Variants in MROH6 observed in about 807,000 individuals in gnomAD.
MROH6 encodes maestro heat like repeat family member 6.
MROH6 carries 62 observed loss-of-function variants against 67.7 expected under a neutral mutation model. The observed-to-expected ratio is 0.92, with a 90% CI of 0.75 to 1.13. The LOEUF is 1.13. Ranked by LOEUF, MROH6 falls within the 50% of genes most tolerant of loss-of-function variation. The pLI is 0.00. For missense variants in MROH6, 1,175 were observed against 1,029.1 expected (o/e 1.14, Z -1.94); for synonymous variants, 566 against 470.8 (o/e 1.20, Z -2.62).
rs1823674357 is a variant in MROH6, at chr8:143,567,374, C to CCGGG, written c.2021_2024dup (p.Gly676ProfsTer65). ...GAAGGCGGGGCCCGCGGGGGCAGCC[C>CCGGG]CGGGCACGGGCCAGCATCGCCACCT... On this transcript the variant is annotated frameshift_variant, in exon 14 of 14. Transcript: ENST00000398882. LOFTEE classifies it low-confidence loss of function (END_TRUNC). 1 of 1,235,190 alleles carries CCGGG rather than the reference C, an allele frequency of 8.1e-7. No individual in the cohort carries two copies. The highest frequency in any genetic ancestry group is 1.0e-6 in the Non-Finnish European group (1 of 989,106). 76.5% of individuals were successfully genotyped at this position (1,235,190 alleles called of 1,614,324 possible). A position where few individuals can be genotyped will look rare whatever the true frequency, so the allele number is the denominator to read the frequency against.
At position 143,567,805 on chromosome 8, in the gene MROH6, C is replaced by T. The variant is rs544799397; in HGVS notation, c.1848G>A (p.Arg616=). 2.8e-5 allele frequency: 43 copies of T among 1,536,092 alleles called. No homozygotes were observed. Among genetic ancestry groups the T allele is most frequent in the Non-Finnish European group, 1.8e-6 (2 of 1,140,414 alleles). Residue 616 remains arginine (R), a synonymous_variant, in exon 12 of 14, where the codon CGG becomes CGA. Coordinates refer to ENST00000398882, the MANE Select transcript of MROH6 (RefSeq NM_001100878.2). Reference sequence around the variant, plus strand: ...CCTCACCTATAAGCACGGCGGCTGCCCGGCGCAGGGGGTCCTGTGGACTCC... The same window carrying T: ...CCTCACCTATAAGCACGGCGGCTGCTCGGCGCAGGGGGTCCTGTGGACTCC... The part of the protein sequence containing the change: ...YLRSPQDPLR[R]AAAVLIGFLV...
At chr8:143,570,427 T>TGGGAGTGAGAG (rs778686887) in intron 5 of MROH6, 46 bp downstream of exon 5, 1 of 1,553,214 alleles carries the variant, frequency 6.4e-7, no homozygotes, top group East Asian at 2.3e-5. Context: ...GCTGAGAGGG[T>TGGGAGTGAGAG]GACAGCATGC....
In MROH6 at chr8:143,572,498, C is replaced by T. The variant is rs768143933; in HGVS notation, c.217G>A (p.Ala73Thr). 3 of 1,604,198 alleles carry T rather than the reference C, an allele frequency of 1.9e-6. No individual in the cohort carries two copies. The highest frequency in any genetic ancestry group is 2.5e-6 in the Non-Finnish European group (3 of 1,177,110). Residue 73 changes from alanine (A) to threonine (T), a missense_variant, in exon 1 of 14, where the codon GCC becomes ACC. Physicochemically the swap from Ala to Thr is moderately conservative, Grantham distance 58. Transcript: ENST00000398882. ...TCGCTGCCAGCTTCAGGGACGGTGG[C>T]CCCACGTCCAGGCTCTGCCTCAGAG... is the stretch of plus-strand genomic sequence containing the variant. Reference protein sequence around the residue: ...APSEAEPGRGATVPEAGSEPC... With the variant: ...APSEAEPGRGTTVPEAGSEPC...
chr8:143,568,282 C>G, intron 10 of MROH6, 21 bp from the exon 11 acceptor site: 1 of 1,594,080 alleles, frequency 6.3e-7, no homozygotes, highest in African/African-American at 1.3e-5. Context: ...GGAAGTGAGC[C>G]GGGTCAGGGG....
rs150893623 is a variant in MROH6, at chr8:143,572,280, C to T, written c.295-95G>A. ...TCCCACCTGGCTTCCTACAAAATCCCTTGCTCCTCTGTTGCTCACCAGCCT... is the reference window on the plus strand; with the variant it reads ...TCCCACCTGGCTTCCTACAAAATCCTTTGCTCCTCTGTTGCTCACCAGCCT... On this transcript the variant is annotated intron_variant, in intron 1 of 13. Coordinates refer to ENST00000398882, the MANE Select transcript of MROH6 (RefSeq NM_001100878.2). 5.1e-4 allele frequency: 783 copies of T among 1,549,854 alleles called. 6 individuals are homozygous for T. The African/African-American group carries it at 9.4e-3, about 19-fold the overall frequency.
chr8:143,572,171 G>A lies in MROH6; in HGVS notation c.309C>T (p.Ser103=), dbSNP rs1824090737. The change falls in exon 2 of 14, where the codon TCC becomes TCT. Residue 103 remains serine, a synonymous_variant. Transcript: ENST00000398882. ...PEGPHQVPQS[S]WEEGVLADLA... is the part of the protein sequence containing the mutation. ...GGTCGGCAAGAACTCCCTCCTCCCA[G>A]GAACTCTGGGGAACCTAGGGCAGGA... The A allele has an allele frequency of 4.3e-6, 7 of 1,612,860 alleles. No homozygotes were observed. The highest frequency in any genetic ancestry group is 5.1e-6 in the Non-Finnish European group (6 of 1,179,778).
At chr8:143,568,527 TG>T (rs1367025145) in intron 10 of MROH6, 24 bp downstream of exon 10, 1 of 1,501,558 alleles carries the variant, frequency 6.7e-7, no homozygotes, top group South Asian at 1.3e-5. Context: ...GGCATAGGGG[TG>T]GGATGGTGTC....
chr8:143,567,159 CTCCG>C lies in MROH6; in HGVS notation c.*76_*79del, dbSNP rs1823655307. ...GTCCAGCACCAGGCCCAGGGAGCCC[CTCCG>C]TCAGGGCGGGGACAGGCTGCTATGC... On this transcript the variant is annotated 3_prime_UTR_variant, in exon 14 of 14. Coordinates refer to ENST00000398882, the MANE Select transcript of MROH6 (RefSeq NM_001100878.2). The C allele has an allele frequency of 1.2e-6, 1 of 819,568 alleles. No individual in the cohort carries two copies. The highest frequency in any genetic ancestry group is 3.6e-5 in the East Asian group (1 of 27,618). The allele number at this position is 819,568 out of a possible 1,614,324, so 50.8% of individuals were successfully genotyped here.
chr8:143,567,798 C>G lies in MROH6; in HGVS notation c.1855G>C (p.Ala619Pro), dbSNP rs13255489. The G allele has an allele frequency of 8.8e-4, 1,352 of 1,540,778 alleles. 3 individuals carry two copies. Among genetic ancestry groups the G allele is most frequent in the Non-Finnish European group, 9.7e-4 (1,108 of 1,142,708 alleles). Residue 619 changes from alanine to proline, a missense_variant, in exon 12 of 14, where the codon GCC (alanine) becomes CCC (proline). Transcript: ENST00000398882. ...CGGGCGGCCTCACCTATAAGCACGG[C>G]GGCTGCCCGGCGCAGGGGGTCCTGT... ...SPQDPLRRAAAVLIGFLVHHA... is the reference protein window; with the variant it reads ...SPQDPLRRAAPVLIGFLVHHA...
chr8:143,568,511 T>C (rs1823768022), intron 10 of MROH6, 41 bp downstream of exon 10: 26 of 1,489,002 alleles, frequency 1.7e-5, no homozygotes, highest in Non-Finnish European at 2.3e-5. Flanking sequence ...GTGGTGAGTG[T>C]TGGATGGCAT....
In MROH6 at chr8:143,572,577, C is replaced by A; in HGVS notation, c.138G>T (p.Lys46Asn). ...CAGCCTCAGGTTTGACCTCCCAGGA[C>A]TTGGGCTGAGGGCCTGCGGAAGGGG... The part of the protein sequence containing the change: ...QGPPSAGPQP[K>N]SWEVKPEAEP... Residue 46 changes from lysine (K) to asparagine (N), a missense_variant, in exon 1 of 14, where the codon AAG becomes AAT. Physicochemically the swap from Lys to Asn is moderately conservative, Grantham distance 94. Coordinates refer to ENST00000398882, the MANE Select transcript of MROH6 (RefSeq NM_001100878.2). 6.2e-7 allele frequency: 1 copy of A among 1,605,120 alleles called. No individual in the cohort carries two copies. Among genetic ancestry groups the A allele is most frequent in the Non-Finnish European group, 8.5e-7 (1 of 1,177,340 alleles).
chr8:143,571,708 G>T lies in MROH6; in HGVS notation c.561C>A (p.Asp187Glu). The stretch of plus-strand genomic sequence containing the variant: ...AGCGGGGTAGCAGCGCACACACCAC[G>T]TCCCGCGCATGCTCCAGGGCCAGTG... ...LSALALEHAR[D>E]VVCALLPRSL... The change falls in exon 3 of 14, where the codon GAC (aspartate) becomes GAA (glutamate). Residue 187 changes from aspartate to glutamate, a missense_variant. Coordinates refer to ENST00000398882, the MANE Select transcript of MROH6 (RefSeq NM_001100878.2). 1 of 1,551,704 alleles carries T rather than the reference G, an allele frequency of 6.4e-7. No homozygotes were observed. Among genetic ancestry groups the T allele is most frequent in the Non-Finnish European group, 8.7e-7 (1 of 1,148,594 alleles).
rs1354177421 is a variant in MROH6 at position 143,567,336 on chromosome 8, G to C, written c.2063C>G (p.Pro688Arg). ...GACTGGTGGGGGCCGGGCGGGGCGC[G>C]GGGCGATGCGGAGAAGGCGGGGCCC... is the stretch of plus-strand genomic sequence containing the variant. ...PRGPRLLRIAPRPARPPPVFA... is the reference protein window; with the variant it reads ...PRGPRLLRIARRPARPPPVFA... The change falls in exon 14 of 14, where the codon CCG (proline) becomes CGG (arginine). Residue 688 changes from proline (P) to arginine (R), a missense_variant. Physicochemically the swap from Pro to Arg is moderately radical, Grantham distance 103. Transcript: ENST00000398882. The C allele has an allele frequency of 5.7e-6, 7 of 1,218,852 alleles. No homozygotes were observed. The highest frequency in any genetic ancestry group is 4.3e-5 in the Admixed American group (1 of 23,166). 75.5% of individuals were successfully genotyped at this position (1,218,852 alleles called of 1,614,324 possible).
Position 143,572,421 on chromosome 8 carries a change from C to A in MROH6, c.294G>T (p.Gln98His). ...CAACATCCCTTCCCTCCCCCGTCAC[C>A]TGGTGGGGCCCCTCAGGGGCTGGTT... ...ALEPAPEGPH[Q>H]VPQSSWEEGV... The change falls in exon 1 of 14, where the codon CAG becomes CAT. Residue 98 changes from glutamine to histidine, a missense_variant and splice_region_variant. Coordinates refer to ENST00000398882, the MANE Select transcript of MROH6 (RefSeq NM_001100878.2). The A allele has an allele frequency of 6.4e-7, 1 of 1,568,218 alleles. No homozygotes were observed. Among genetic ancestry groups the A allele is most frequent in the Non-Finnish European group, 8.6e-7 (1 of 1,159,798 alleles).
intron 13 of MROH6, 29 bp from the exon 14 acceptor site, chr8:143,567,494 G>C (rs776229349): frequency 2.8e-6 from 4 of 1,433,146 alleles, no homozygotes; most frequent in Non-Finnish European, 2.8e-6. Context: ...TCAGGCTGGG[G>C]AGCCCAGGAG....
intron 3 of MROH6, 63 bp downstream of exon 3, chr8:143,571,604 C>T: frequency 6.5e-7 from 1 of 1,542,236 alleles, no homozygotes. Flanking sequence ...CCAGACTCCA[C>T]CGCCAAGCGG....
Position 143,571,718 on chromosome 8 carries a change from T to C in MROH6, c.551A>G (p.His184Arg), listed in dbSNP as rs757601034. Residue 184 changes from histidine (H) to arginine (R), a missense_variant, in exon 3 of 14, where the codon CAT becomes CGT. By Grantham distance (29) the His-to-Arg change is conservative. Transcript: ENST00000398882. ...CAGCGCACACACCACGTCCCGCGCA[T>C]GCTCCAGGGCCAGTGCGCTCAGCAC... ...LRVLSALALE[H>R]ARDVVCALLP... 1 of 1,550,990 alleles carries C rather than the reference T, an allele frequency of 6.4e-7. No individual in the cohort carries two copies. The highest frequency in any genetic ancestry group is 1.2e-5 in the South Asian group (1 of 84,224).
At chr8:143,568,760 G>A (rs762239477) in intron 9 of MROH6, 41 bp from the exon 10 acceptor site, 4 of 1,372,852 alleles carry the variant, frequency 2.9e-6, no homozygotes, top group African/African-American at 1.5e-5. Context: ...GAGACAGAGA[G>A]GGGCTGCAAG....
rs1226835037 is a variant in MROH6 at position 143,570,561 on chromosome 8, G to C, written c.817C>G (p.Leu273Val). ...PHLLLALVTQ[L>V]HKLARSPCSP... The stretch of plus-strand genomic sequence containing the variant: ...CACGGGCTGCGGGCCAGCTTGTGCA[G>C]CTGTGTGACCAGCGCAAGCAGCAGA... Residue 273 changes from leucine to valine, a missense_variant, in exon 5 of 14, where the codon CTG becomes GTG. Coordinates refer to ENST00000398882, the MANE Select transcript of MROH6 (RefSeq NM_001100878.2). 1.4e-5 allele frequency: 22 copies of C among 1,609,336 alleles called. No individual in the cohort carries two copies. The highest frequency in any genetic ancestry group is 1.9e-5 in the Non-Finnish European group (22 of 1,179,856).
Sources: allele counts gnomAD v4.1 joint callset, GRCh38; gene constraint gnomAD v4.1.1; transcripts MANE v1.5; gene names NCBI Gene and HGNC (gene_info 2026-07-23, HGNC 2026-07-21).